RGS6: variants seen among roughly 807,000 people sequenced by gnomAD.
The protein encoded by RGS6 is regulator of G-protein signaling 6.
In RGS6, 30 loss-of-function variants were observed where a neutral mutation model predicts 78.5. The ratio of observed to expected loss-of-function variants is 0.38; its 90% CI spans 0.29 to 0.52. RGS6 has a LOEUF of 0.52. RGS6 is among the 20% of genes least tolerant of loss of function. RGS6 has a pLI of 0.85. For synonymous variants in RGS6, 206 were observed against 206.0 expected (o/e 1.00, Z 0.00); for missense variants, 495 against 609.7 (o/e 0.81, Z 1.98).
chr14:72,599,501 C>T, the RGS6 span, among the ~76,000 whole-genome samples: 22 of 137,914 alleles, frequency 1.6e-4, no homozygotes, highest in Non-Finnish European at 2.7e-4. Flanking sequence ...CTCCGCCTCC[C>T]GAGTTCACAC....
intron 3 of RGS6, among the ~76,000 whole-genome samples, chr14:72,452,502 TC>T (rs2095522030): frequency 6.6e-6 from 1 of 152,200 alleles, no homozygotes; most frequent in Non-Finnish European, 1.5e-5. Context: ...GTCTAGGCTT[TC>T]TGTCCTGTAC....
chr14:71,917,571 A>T, the RGS6 span, among the ~76,000 whole-genome samples: 1 of 152,302 alleles, frequency 6.6e-6, no homozygotes, highest in South Asian at 2.1e-4. Context: ...TAGAAGTCAC[A>T]GCTTAGGCTG....
intron 15 of RGS6, among the ~76,000 whole-genome samples, chr14:72,534,969 C>T (rs1379309776): frequency 6.6e-6 from 1 of 152,192 alleles, no homozygotes; most frequent in Non-Finnish European, 1.5e-5. Context: ...CTAACAAGCC[C>T]GCCCTCCCCA....
At chr14:72,517,268 A>C (rs28620815) in intron 14 of RGS6, among the ~76,000 whole-genome samples, 2,897 of 152,052 alleles carry the variant, frequency 0.019, 94 homozygotes, top group African/African-American at 0.066. Flanking sequence ...TGACTAGACT[A>C]CCTGTGATTC....
chr14:72,139,615 A>T (rs966275135), intron 2 of RGS6, among the ~76,000 whole-genome samples: 1 of 152,226 alleles, frequency 6.6e-6, no homozygotes, highest in Non-Finnish European at 1.5e-5. Flanking sequence ...ATAAGGAAGT[A>T]AAGTTGTTTA....
intron 2 of RGS6, among the ~76,000 whole-genome samples, chr14:72,220,339 G>A (rs1420429064): frequency 6.6e-6 from 1 of 151,964 alleles, no homozygotes; most frequent in Non-Finnish European, 1.5e-5. Flanking sequence ...CAGAGATTCT[G>A]TAAACTACTT....
chr14:71,953,483 CT>C (rs955580715), intron 1 of RGS6, among the ~76,000 whole-genome samples: 3 of 151,480 alleles, frequency 2.0e-5, no homozygotes, highest in Non-Finnish European at 2.9e-5. Context: ...GTTCTTTCAA[CT>C]TTTTTTTCAA....
At chr14:72,584,138 T>G in the RGS6 span, among the ~76,000 whole-genome samples, 1 of 152,184 alleles carries the variant, frequency 6.6e-6, no homozygotes, top group African/African-American at 2.4e-5. Flanking sequence ...GGGTGTCAGA[T>G]TTCATTCCAG....
chr14:72,619,400 C>T, the RGS6 span: 22 of 1,531,746 alleles, frequency 1.4e-5, no homozygotes, highest in Admixed American at 5.9e-5. Flanking sequence ...AGTAGCAGCC[C>T]CTCTGCTAAC....
At chr14:72,505,066 G>T (rs1661733363) in intron 13 of RGS6, among the ~76,000 whole-genome samples, 2 of 151,266 alleles carry the variant, frequency 1.3e-5, no homozygotes, top group African/African-American at 4.9e-5. Flanking sequence ...GTGAGCCACT[G>T]CACCCAGCCA....
At chr14:72,218,194 G>T (rs1390076045) in intron 2 of RGS6, among the ~76,000 whole-genome samples, 1 of 152,042 alleles carries the variant, frequency 6.6e-6, no homozygotes, top group Non-Finnish European at 1.5e-5. Flanking sequence ...GATGATAGAT[G>T]AGCAGAAATG....
chr14:72,331,271 C>T (rs2074967981), intron 2 of RGS6, among the ~76,000 whole-genome samples: 2 of 149,910 alleles, frequency 1.3e-5, no homozygotes, highest in South Asian at 2.1e-4. Context: ...AAAAAATGAG[C>T]TATTTGGTTT....
intron 2 of RGS6, among the ~76,000 whole-genome samples, chr14:72,079,624 A>G (rs1280848467): frequency 6.6e-6 from 1 of 152,192 alleles, no homozygotes; most frequent in South Asian, 2.1e-4. Flanking sequence ...ATGGTGTATA[A>G]CGGATCTTTT....
intron 2 of RGS6, among the ~76,000 whole-genome samples, chr14:72,099,603 C>T (rs183906897): frequency 1.3e-3 from 204 of 152,300 alleles, no homozygotes; most frequent in African/African-American, 4.5e-3. Context: ...TTTGGGAGGA[C>T]TTCAATGAGC....
chr14:72,001,055 G>T (rs1444474855), intron 2 of RGS6, among the ~76,000 whole-genome samples: 1 of 152,166 alleles, frequency 6.6e-6, no homozygotes, highest in East Asian at 1.9e-4. Context: ...TTCAGGATTC[G>T]GTTTTTGGTC....
chr14:72,517,679 A>G (rs968366291), intron 14 of RGS6, among the ~76,000 whole-genome samples: 12 of 152,240 alleles, frequency 7.9e-5, no homozygotes, highest in Non-Finnish European at 1.8e-4. Flanking sequence ...CACCGTGCTG[A>G]GCACTGATGT....
At chr14:72,138,456 T>G (rs1407666765) in intron 2 of RGS6, among the ~76,000 whole-genome samples, 4 of 149,688 alleles carry the variant, frequency 2.7e-5, no homozygotes, top group African/African-American at 4.9e-5. Context: ...CCTGTTTTTT[T>G]TTTTTTTTTT....
rs371541624 is a variant in RGS6 at position 72,058,968 on chromosome 14, A to G, written c.84+94093A>G. On this transcript the variant is annotated intron_variant, in intron 2 of 17. Coordinates refer to ENST00000553525, the MANE Select transcript of RGS6 (RefSeq NM_001204424.2). ...GCCCATGATGGAGTACAGTGGTGTG[A>G]TCTTGGCTCACTGCAACCTCTACCT... 2.0e-5 allele frequency among the ~76,000 whole-genome samples: 3 copies of G among 152,114 alleles called. No individual in the cohort carries two copies. The East Asian group carries it at 5.8e-4, about 29-fold the overall frequency.
the RGS6 span, among the ~76,000 whole-genome samples, chr14:71,917,755 G>A: frequency 6.6e-6 from 1 of 152,200 alleles, no homozygotes; most frequent in African/African-American, 2.4e-5. Context: ...TCATCTTTCG[G>A]TAGTGTGTCC....
Sources: allele counts gnomAD v4.1 joint callset (sites outside exome capture counted in the v4.1 genomes callset), GRCh38; gene constraint gnomAD v4.1.1; transcripts MANE v1.5; gene names NCBI Gene and HGNC (gene_info 2026-07-23, HGNC 2026-07-21).